The following NINL variants were observed in gnomAD, a reference collection of about 807,000 sequenced individuals.
NINL encodes ninein like.
NINL carries 153 observed loss-of-function variants against 160.3 expected under a neutral mutation model. That is an observed-to-expected ratio of 0.95 (90% CI 0.84 to 1.09). The LOEUF is 1.09. NINL is among the 50% of genes least tolerant of loss of function. NINL has a pLI of 0.00. For missense variants in NINL, 1,829 were observed against 1,764.0 expected, an observed-to-expected ratio of 1.04 and a Z score of -0.66; for synonymous variants, 800 against 734.8, an observed-to-expected ratio of 1.09 and a Z score of -1.43.
intron 1 of NINL, among the ~76,000 whole-genome samples, chr20:25,569,864 C>T (rs935617459): frequency 5.3e-5 from 8 of 152,110 alleles, no homozygotes; most frequent in East Asian, 1.9e-4. Context: ...TCAGGAGCCT[C>T]GCTGGCACAT....
intron 1 of NINL, among the ~76,000 whole-genome samples, chr20:25,580,627 A>G (rs192257703): frequency 4.5e-4 from 68 of 152,338 alleles, no homozygotes; most frequent in Admixed American, 2.0e-3. Flanking sequence ...CGCCAGATGC[A>G]TGCTTGAACC....
intron 10 of NINL, among the ~76,000 whole-genome samples, chr20:25,495,737 A>C (rs1225495626): frequency 6.6e-6 from 1 of 152,190 alleles, no homozygotes; most frequent in African/African-American, 2.4e-5. Flanking sequence ...GTGCCCCACC[A>C]ATGACGTAGA....
intron 1 of NINL, among the ~76,000 whole-genome samples, chr20:25,556,762 G>C (rs187012170): frequency 4.6e-5 from 7 of 152,276 alleles, no homozygotes; most frequent in Admixed American, 4.6e-4. Flanking sequence ...AGCTGAGATC[G>C]CACTTCAGCC....
Position 25,578,500 on chromosome 20 carries a change from T to C in NINL, c.-12+6955A>G, listed in dbSNP as rs188709037. ...AGTCCTTAATACTCTTGCTTAAAAA[T>C]GGAATTTGATTAGCTGGGCGCAGTG... On this transcript the variant is annotated intron_variant, in intron 1 of 23. Coordinates refer to ENST00000278886, the MANE Select transcript of NINL (RefSeq NM_025176.6). Among the ~76,000 whole-genome samples, 5 of 152,010 alleles carry C rather than the reference T, an allele frequency of 3.3e-5. No individual in the cohort carries two copies. The East Asian group carries it at 7.8e-4, about 24-fold the overall frequency.
chr20:25,463,686 C>G (rs1445049780), intron 19 of NINL, among the ~76,000 whole-genome samples: 1 of 152,230 alleles, frequency 6.6e-6, no homozygotes, highest in Non-Finnish European at 1.5e-5. Flanking sequence ...GACCCGCTCT[C>G]AGCACAATCG....
At chr20:25,538,682 G>A (rs886927685) in intron 1 of NINL, among the ~76,000 whole-genome samples, 1 of 152,130 alleles carries the variant, frequency 6.6e-6, no homozygotes, top group Non-Finnish European at 1.5e-5. Context: ...ACAGAACTGG[G>A]GAGAAAGACA....
At chr20:25,516,900 G>A (rs566951416) in intron 3 of NINL, among the ~76,000 whole-genome samples, 3 of 152,186 alleles carry the variant, frequency 2.0e-5, no homozygotes, top group African/African-American at 4.8e-5. Flanking sequence ...CTGGAGAACC[G>A]GGACCCAAAT....
In NINL at chr20:25,458,425, G is replaced by A; in HGVS notation, c.3801C>T (p.Ser1267=). 1 of 1,606,524 alleles carries A rather than the reference G, an allele frequency of 6.2e-7. No homozygotes were observed. Among genetic ancestry groups the A allele is most frequent in the South Asian group, 1.1e-5 (1 of 91,000 alleles). The change falls in exon 22 of 24, where the codon AGC becomes AGT. Residue 1267 remains serine, a synonymous_variant. Coordinates refer to ENST00000278886, the MANE Select transcript of NINL (RefSeq NM_025176.6). The stretch of plus-strand genomic sequence containing the variant: ...GCCTCCTGGCCTGCTCTCCCTGAAG[G>A]CTGAGCAGGCGATGCAGCTCGGCCA... The part of the protein sequence containing the change: ...DRVAELHRLL[S]LQGEQARRRL...
At chr20:25,488,544 G>A (rs865778734) in intron 13 of NINL, among the ~76,000 whole-genome samples, 9 of 151,816 alleles carry the variant, frequency 5.9e-5, no homozygotes, top group Non-Finnish European at 1.3e-4. Flanking sequence ...ATTCTCTTTC[G>A]GGGCACGTGG....
At position 25,566,711 on chromosome 20, in the gene NINL, T is replaced by C. The variant is rs530596988; in HGVS notation, c.-12+18744A>G. On this transcript the variant is annotated intron_variant, in intron 1 of 23. Transcript: ENST00000278886. ...TGGGAGGCCAAGGCAGGAGGCTTGC[T>C]GGAGCCCAGGAGTTTGAGGCTGCAG... 3.3e-5 allele frequency among the ~76,000 whole-genome samples: 5 copies of C among 152,290 alleles called. No individual in the cohort carries two copies. In the East Asian group the frequency reaches 9.6e-4, roughly 29 times the overall value.
chr20:25,561,403 T>C (rs192321227), intron 1 of NINL, among the ~76,000 whole-genome samples: 13,230 of 152,056 alleles, frequency 0.087, 955 homozygotes, highest in African/African-American at 0.2. Flanking sequence ...CTCCCAGCCG[T>C]CTGCCTTGGC....
At position 25,453,597 on chromosome 20, in the gene NINL, C is replaced by T. The variant is rs548178520; in HGVS notation, c.4003G>A (p.Val1335Met). 9.3e-6 allele frequency: 15 copies of T among 1,612,828 alleles called. No homozygotes were observed. Among genetic ancestry groups the T allele is most frequent in the African/African-American group, 5.3e-5 (4 of 75,010 alleles). ...KSDLLLKELY[V>M]ENAHLVRALQ... The stretch of plus-strand genomic sequence containing the variant: ...GCTCTCACCAGGTGGGCGTTCTCCA[C>T]GTACAGCTCCTTCAGCAGCAGGTCG... The change falls in exon 24 of 24, where the codon GTG (valine) becomes ATG (methionine). Residue 1335 changes from valine (V) to methionine (M), a missense_variant. Coordinates refer to ENST00000278886, the MANE Select transcript of NINL (RefSeq NM_025176.6).
chr20:25,537,498 T>A (rs147808262), intron 1 of NINL, among the ~76,000 whole-genome samples: 1 of 152,344 alleles, frequency 6.6e-6, no homozygotes, highest in East Asian at 1.9e-4. Flanking sequence ...AACCCAGCAG[T>A]GCTCCTGGGG....
At chr20:25,482,180 G>A (rs1355520201) in intron 13 of NINL, 80 bp from the exon 14 acceptor site, 13 of 1,514,342 alleles carry the variant, frequency 8.6e-6, no homozygotes, top group Non-Finnish European at 2.7e-6. Flanking sequence ...GCCTCCAGGG[G>A]GGTCCCTTGC....
chr20:25,482,446 C>T (rs1205149813), intron 13 of NINL, among the ~76,000 whole-genome samples: 1 of 152,218 alleles, frequency 6.6e-6, no homozygotes, highest in East Asian at 1.9e-4. Context: ...TCAAGTGATT[C>T]TCCTGCCTCT....
intron 1 of NINL, among the ~76,000 whole-genome samples, chr20:25,529,430 G>A (rs867733684): frequency 2.0e-5 from 3 of 152,216 alleles, no homozygotes; most frequent in African/African-American, 7.2e-5. Context: ...TCTCAGAGGT[G>A]CAGGTGAAAA....
intron 1 of NINL, among the ~76,000 whole-genome samples, chr20:25,565,811 G>C (rs190042294): frequency 6.6e-6 from 1 of 152,206 alleles, no homozygotes; most frequent in East Asian, 1.9e-4. Context: ...GGCCTGGAGA[G>C]AACAAAAACA....
chr20:25,519,646 C>T (rs2064226472), intron 2 of NINL, among the ~76,000 whole-genome samples: 1 of 152,000 alleles, frequency 6.6e-6, no homozygotes, highest in Non-Finnish European at 1.5e-5. Context: ...CAATGAAATA[C>T]CTGACAATGA....
At chr20:25,579,592 A>G (rs933021154) in intron 1 of NINL, among the ~76,000 whole-genome samples, 5 of 152,012 alleles carry the variant, frequency 3.3e-5, no homozygotes, top group African/African-American at 1.2e-4. Flanking sequence ...GCCTCTGGAG[A>G]CAGCCGGGGG....
Sources: allele counts gnomAD v4.1 joint callset (sites outside exome capture counted in the v4.1 genomes callset), GRCh38; gene constraint gnomAD v4.1.1; transcripts MANE v1.5; gene names NCBI Gene and HGNC (gene_info 2026-07-23, HGNC 2026-07-21).